Variants in LGALS3BP observed in about 807,000 individuals in gnomAD.
LGALS3BP encodes galectin 3 binding protein, also known as galectin-3-binding protein.
LGALS3BP carries 25 observed loss-of-function variants against 22.9 expected under a neutral mutation model. The ratio of observed to expected loss-of-function variants is 1.09; its 90% confidence interval spans 0.80 to 1.53. The LOEUF (loss-of-function observed/expected upper bound fraction) is 1.53, where lower values mean the gene tolerates loss of function less well. Among genes scored for constraint, LGALS3BP ranks in the 40% most tolerant of loss-of-function variants. The probability of loss-of-function intolerance (pLI) is 0.00; values close to 1 mark genes in which losing one functional copy is unlikely to be tolerated. For synonymous variants in LGALS3BP, 335 were observed against 331.1 expected (o/e 1.01, Z -0.13); for missense variants, 718 against 752.0 (o/e 0.95, Z 0.53).
intron 1 of LGALS3BP, chr17:78,979,476 C>T (rs11655977): frequency 0.64 from 96,265 of 151,220 alleles, 33,430 homozygotes; most frequent in Non-Finnish European, 0.8. Flanking sequence ...CCTGGCCGGG[C>T]GCGGTGGCTC....
rs766212923 is a variant in LGALS3BP at position 78,975,948 on chromosome 17, G to A, written c.244+17C>T. ...CTGTGGGTCTCAGCCTCAGTGGAAG[G>A]GGACAGCAGGCCCTACCTTGCCCGA... On this transcript the variant is annotated intron_variant, in intron 3 of 5. Transcript: ENST00000262776. 1 of 1,582,154 alleles carries A rather than the reference G, an allele frequency of 6.3e-7. No homozygotes were observed. Among genetic ancestry groups the A allele is most frequent in the Non-Finnish European group, 8.6e-7 (1 of 1,164,388 alleles).
At position 78,973,137 on chromosome 17, in the gene LGALS3BP, G is replaced by T. The variant is rs1242670568; in HGVS notation, c.462C>A (p.Asp154Glu). ...GQIFDSQRGC[D>E]LSISVNVQGE... Reference sequence around the variant, plus strand: ...CCTGCACATTCACGCTGATGGACAGGTCGCAGCCCCGCTGGCTGTCAAAGA... The same window carrying T: ...CCTGCACATTCACGCTGATGGACAGTTCGCAGCCCCGCTGGCTGTCAAAGA... Residue 154 changes from aspartate to glutamate, a missense_variant, in exon 5 of 6, where the codon GAC becomes GAA. Transcript: ENST00000262776. The surrounding 1 kb of genome is among the most constrained non-coding windows in gnomAD (Gnocchi z 5.8). 3 of 1,612,776 alleles carry T rather than the reference G, an allele frequency of 1.9e-6. No individual in the cohort carries two copies. The highest frequency in any genetic ancestry group is 2.5e-6 in the Non-Finnish European group (3 of 1,179,724).
chr17:78,972,131 C>T lies in LGALS3BP; in HGVS notation c.1203G>A (p.Glu401=). 1 of 1,613,442 alleles carries T rather than the reference C, an allele frequency of 6.2e-7. No individual in the cohort carries two copies. Among genetic ancestry groups the T allele is most frequent in the Non-Finnish European group, 8.5e-7 (1 of 1,179,564 alleles). ...TGTAAATCCGGGGCTTGTAGGTATC[C>T]TCGGTGAGGTTCAGGCCTTTGTACC... ...LARYKGLNLT[E]DTYKPRIYTS... The change falls in exon 6 of 6, where the codon GAG becomes GAA. Residue 401 remains glutamate, a synonymous_variant. Transcript: ENST00000262776. The surrounding 1 kb of genome is among the most constrained non-coding windows in gnomAD (Gnocchi z 5.1).
Position 78,973,515 on chromosome 17 carries a change from C to T in LGALS3BP, c.377-293G>A, listed in dbSNP as rs149498023. ...TCCCCCGACTCAGGCAGCAGCTCCG[C>T]ATGGAGACTTGGTGGTACTGACTCC... is the stretch of plus-strand genomic sequence containing the variant. On this transcript the variant is annotated intron_variant, in intron 4 of 5. Transcript: ENST00000262776. The surrounding 1 kb of genome is among the most constrained non-coding windows in gnomAD (Gnocchi z 5.8). Among the ~76,000 whole-genome samples, 1,030 of 152,294 alleles carry T rather than the reference C, an allele frequency of 6.8e-3. 10 individuals carry two copies. The highest frequency in any genetic ancestry group is 0.02 in the Middle Eastern group (6 of 294).
chr17:78,971,705 C>T lies in LGALS3BP; in HGVS notation c.1629G>A (p.Ala543=), dbSNP rs763684344. The change falls in exon 6 of 6, where the codon GCG becomes GCA. Residue 543 remains alanine, a synonymous_variant. Coordinates refer to ENST00000262776, the MANE Select transcript of LGALS3BP (RefSeq NM_005567.4). This position sits in a 1 kb window ranked among gnomAD's most constrained non-coding sequence, Gnocchi z 5.6. ...DVTDFEGWKA[A]IPSALDTNSS... ...TGTTGGTGTCCAGGGCACTGGGAAT[C>T]GCAGCCTTCCAGCCCTCGAAATCGG... is the stretch of plus-strand genomic sequence containing the variant. The T allele has an allele frequency of 1.2e-5, 20 of 1,613,850 alleles. No individual in the cohort carries two copies. In the African/African-American group the frequency reaches 1.7e-4, roughly 14 times the overall value.
chr17:78,972,886 G>C lies in LGALS3BP; in HGVS notation c.629+84C>G. 6.6e-7 allele frequency: 1 copy of C among 1,513,366 alleles called. No homozygotes were observed. Among genetic ancestry groups the C allele is most frequent in the Non-Finnish European group, 8.9e-7 (1 of 1,122,052 alleles). The allele number at this position is 1,513,366 out of a possible 1,614,324, so 93.7% of individuals were successfully genotyped here. A position where few individuals can be genotyped will look rare whatever the true frequency, so the allele number is the denominator to read the frequency against. ...TGTGCATGCATGAGTATGTGCAGGT[G>C]TGTGTGTGGGGGGCTGTGCTTTTGA... On this transcript the variant is annotated intron_variant, in intron 5 of 5. Transcript: ENST00000262776. This position sits in a 1 kb window ranked among gnomAD's most constrained non-coding sequence, Gnocchi z 5.1.
chr17:78,979,078 G>C (rs1280859899), intron 1 of LGALS3BP, among the ~76,000 whole-genome samples: 1 of 151,954 alleles, frequency 6.6e-6, no homozygotes, highest in East Asian at 1.9e-4. Context: ...AAAAAAGGGG[G>C]GGGGGCAACG....
At chr17:78,977,490 CA>C (rs1266693797) in intron 1 of LGALS3BP, 14 of 386,476 alleles carry the variant, frequency 3.6e-5, no homozygotes, top group Non-Finnish European at 5.6e-5. Flanking sequence ...GTAAGGGCAG[CA>C]AGAATTGGTG....
intron 1 of LGALS3BP, chr17:78,977,552 C>T: frequency 3.5e-6 from 1 of 285,492 alleles, no homozygotes; most frequent in Non-Finnish European, 6.7e-6. Context: ...GGCAAGGCTG[C>T]CACACGGGCA....
At position 78,974,761 on chromosome 17, in the gene LGALS3BP, G is replaced by A. The variant is rs201425236; in HGVS notation, c.303C>T (p.Ala101=). The A allele has an allele frequency of 4.2e-5, 68 of 1,613,838 alleles. No homozygotes were observed. The highest frequency in any genetic ancestry group is 1.6e-4 in the Middle Eastern group (1 of 6,062). Reference sequence around the variant, plus strand: ...TCAGCCAGCCCAGGGACTTGCAGTCGGCCAGTGAGGCCTCGGTTCCCGTGC... The same window carrying A: ...TCAGCCAGCCCAGGGACTTGCAGTCAGCCAGTGAGGCCTCGGTTCCCGTGC... ...VQCTGTEASL[A]DCKSLGWLKS... The change falls in exon 4 of 6, where the codon GCC becomes GCT. Residue 101 remains alanine, a synonymous_variant. Coordinates refer to ENST00000262776, the MANE Select transcript of LGALS3BP (RefSeq NM_005567.4).
chr17:78,972,492 T>C lies in LGALS3BP; in HGVS notation c.842A>G (p.Gln281Arg). ...GDALLEKLCL[Q>R]FLAWNFEALT... ...GGCCTCGAAGTTCCAGGCCAGGAAC[T>C]GTAGGCAGAGCTTCTCCAGCAGGGC... Residue 281 changes from glutamine (Q) to arginine (R), a missense_variant, in exon 6 of 6, where the codon CAG becomes CGG. Transcript: ENST00000262776. This position sits in a 1 kb window ranked among gnomAD's most constrained non-coding sequence, Gnocchi z 5.1. The C allele has an allele frequency of 6.2e-7, 1 of 1,613,310 alleles. No homozygotes were observed. Among genetic ancestry groups the C allele is most frequent in the East Asian group, 2.2e-5 (1 of 44,876 alleles).
Position 78,971,403 on chromosome 17 carries a change from C to A in LGALS3BP, c.*173G>T. On this transcript the variant is annotated 3_prime_UTR_variant, in exon 6 of 6. Transcript: ENST00000262776. The surrounding 1 kb of genome is among the most constrained non-coding windows in gnomAD (Gnocchi z 5.6). ...AGGTGGTGGGAGAACTCCTGGTGGACCCTAGTGGAAGCCTTCCAGTAATTT... is the reference window on the plus strand; with the variant it reads ...AGGTGGTGGGAGAACTCCTGGTGGAACCTAGTGGAAGCCTTCCAGTAATTT... 6 of 626,792 alleles carry A rather than the reference C, an allele frequency of 9.6e-6. No individual in the cohort carries two copies. In the South Asian group the frequency reaches 1.0e-4, roughly 11 times the overall value. The allele number at this position is 626,792 out of a possible 1,614,324, so 38.8% of individuals were successfully genotyped here.
At position 78,976,201 on chromosome 17, in the gene LGALS3BP, C is replaced by T. The variant is rs1029108237; in HGVS notation, c.53-45G>A. Reference sequence around the variant, plus strand: ...AGGGCGAGGCTGGGGCCTGCAGCACCCACCGCCCACACCTCCAGGCCCCAT... The same window carrying T: ...AGGGCGAGGCTGGGGCCTGCAGCACTCACCGCCCACACCTCCAGGCCCCAT... On this transcript the variant is annotated intron_variant, in intron 2 of 5. Transcript: ENST00000262776. The surrounding 1 kb of genome is among the most constrained non-coding windows in gnomAD (Gnocchi z 4.6). 1 of 1,481,818 alleles carries T rather than the reference C, an allele frequency of 6.7e-7. No individual in the cohort carries two copies. Among genetic ancestry groups the T allele is most frequent in the African/African-American group, 1.4e-5 (1 of 71,578 alleles). 91.8% of individuals were successfully genotyped at this position (1,481,818 alleles called of 1,614,324 possible).
Position 78,971,888 on chromosome 17 carries a change from G to A in LGALS3BP, c.1446C>T (p.Tyr482=), listed in dbSNP as rs2070674531. ...TCCAGCAGCTCTGGATGGTGGGGAG[G>A]TAGACCAGGGACCAGGACACCCTCT... is the stretch of plus-strand genomic sequence containing the variant. ...QDKRVSWSLV[Y]LPTIQSCWNY... is the part of the protein sequence containing the mutation. Residue 482 remains tyrosine, a synonymous_variant, in exon 6 of 6, where the codon TAC becomes TAT. Coordinates refer to ENST00000262776, the MANE Select transcript of LGALS3BP (RefSeq NM_005567.4). This position sits in a 1 kb window ranked among gnomAD's most constrained non-coding sequence, Gnocchi z 5.6. The A allele has an allele frequency of 1.2e-6, 2 of 1,614,206 alleles. No homozygotes were observed. Among genetic ancestry groups the A allele is most frequent in the Non-Finnish European group, 1.7e-6 (2 of 1,180,048 alleles).
At position 78,976,478 on chromosome 17, in the gene LGALS3BP, A is replaced by C. The variant is rs183371646; in HGVS notation, c.53-322T>G. On this transcript the variant is annotated intron_variant, in intron 2 of 5. Transcript: ENST00000262776. This position sits in a 1 kb window ranked among gnomAD's most constrained non-coding sequence, Gnocchi z 4.6. The stretch of plus-strand genomic sequence containing the variant: ...GGTGGCAAGACCCTGAGGGAAGGAT[A>C]GGAGGGGAACGGAGGCCCCGTGCTG... Among the ~76,000 whole-genome samples, 243 of 152,292 alleles carry C rather than the reference A, an allele frequency of 1.6e-3. No individual in the cohort carries two copies. Among genetic ancestry groups the C allele is most frequent in the African/African-American group, 5.6e-3 (231 of 41,570 alleles).
At chr17:78,978,801 C>T (rs367803745) in intron 1 of LGALS3BP, among the ~76,000 whole-genome samples, 4 of 152,230 alleles carry the variant, frequency 2.6e-5, no homozygotes, top group East Asian at 1.9e-4. Flanking sequence ...CGATGGCTCA[C>T]GCCTGTAATC....
In LGALS3BP at chr17:78,972,734, G is replaced by A. The variant is rs558368948; in HGVS notation, c.630-30C>T. 3 of 1,513,832 alleles carry A rather than the reference G, an allele frequency of 2.0e-6. No individual in the cohort carries two copies. The highest frequency in any genetic ancestry group is 1.4e-5 in the African/African-American group (1 of 71,800). The allele number at this position is 1,513,832 out of a possible 1,614,324, so 93.8% of individuals were successfully genotyped here. A position where few individuals can be genotyped will look rare whatever the true frequency, so the allele number is the denominator to read the frequency against. On this transcript the variant is annotated intron_variant, in intron 5 of 5. Coordinates refer to ENST00000262776, the MANE Select transcript of LGALS3BP (RefSeq NM_005567.4). This position sits in a 1 kb window ranked among gnomAD's most constrained non-coding sequence, Gnocchi z 5.1. ...GGAGAAAGAAGGAGAGCAGATGCCG[G>A]CCCCACAGGACAGCAGGGGAGCCCT...
chr17:78,979,331 C>G (rs545833154), intron 1 of LGALS3BP: 1 of 152,336 alleles, frequency 6.6e-6, no homozygotes, highest in Non-Finnish European at 1.5e-5. Flanking sequence ...ATCTGCCCAA[C>G]TGTACACAGA....
At chr17:78,975,902 C>T in intron 3 of LGALS3BP, 63 bp downstream of exon 3, 1 of 1,260,060 alleles carries the variant, frequency 7.9e-7, no homozygotes, top group South Asian at 1.5e-5. Context: ...GGGGATTTGC[C>T]CCTCCTGGGA....
Sources: allele counts gnomAD v4.1 joint callset (sites outside exome capture counted in the v4.1 genomes callset), GRCh38; gene constraint gnomAD v4.1.1; non-coding constraint Gnocchi (gnomAD v3.1); transcripts MANE v1.5; gene names NCBI Gene and HGNC (gene_info 2026-07-23, HGNC 2026-07-21).